Variants in SKAP1 observed in about 807,000 individuals in gnomAD.
The protein encoded by SKAP1 is src kinase-associated phosphoprotein 1.
SKAP1 carries 44 observed loss-of-function variants against 58.5 expected under a neutral mutation model. That is an observed-to-expected ratio of 0.75 (90% CI 0.59 to 0.97). SKAP1 has a LOEUF of 0.97. SKAP1 is among the 50% of genes least tolerant of loss of function. The pLI is 0.00. For synonymous variants in SKAP1, 127 were observed against 149.7 expected (o/e 0.85, Z 1.11); for missense variants, 390 against 435.2 (o/e 0.90, Z 0.92).
rs191211254 is a variant in SKAP1 at position 48,281,732 on chromosome 17, T to A, written c.280+64173A>T. Among the ~76,000 whole-genome samples, 62 of 152,302 alleles carry A rather than the reference T, an allele frequency of 4.1e-4. 1 individual carries two copies. Among genetic ancestry groups the A allele is most frequent in the Admixed American group, 3.8e-3 (58 of 15,292 alleles). ...AGTGTTGATCTAGTATAATTTATTA[T>A]CTTTGGAACAGTATAAGTTTATTAT... On this transcript the variant is annotated intron_variant, in intron 4 of 12. Coordinates refer to ENST00000336915, the MANE Select transcript of SKAP1 (RefSeq NM_003726.4).
upstream of SKAP1, chr17:48,430,349 C>A (rs2144635637): frequency 4.1e-6 from 1 of 245,876 alleles, no homozygotes; most frequent in Middle Eastern, 1.3e-3. Flanking sequence ...GTGGCGCTCA[C>A]GCCGGAGCCC....
chr17:48,298,518 T>C (rs2066011871), intron 4 of SKAP1, among the ~76,000 whole-genome samples: 1 of 152,226 alleles, frequency 6.6e-6, no homozygotes, highest in Admixed American at 6.5e-5. Context: ...AATTAAAAAC[T>C]CTTAACTGTT....
rs2063942864 is a variant in SKAP1 at position 48,154,295 on chromosome 17, A to G, written c.978+8174T>C. 4.6e-5 allele frequency among the ~76,000 whole-genome samples: 7 copies of G among 152,254 alleles called. No homozygotes were observed. The South Asian group carries it at 1.2e-3, about 27-fold the overall frequency. ...GGTGACAAAGTCCATTCTTCTCCACATAAGACCCATGACCATCTGACAGCA... is the reference window on the plus strand; with the variant it reads ...GGTGACAAAGTCCATTCTTCTCCACGTAAGACCCATGACCATCTGACAGCA... On this transcript the variant is annotated intron_variant, in intron 11 of 12. Transcript: ENST00000336915.
At chr17:48,191,439 T>C (rs535410949) in intron 4 of SKAP1, among the ~76,000 whole-genome samples, 4 of 152,316 alleles carry the variant, frequency 2.6e-5, no homozygotes, top group Admixed American at 6.5e-5. Context: ...TAACTACATA[T>C]GAATCAACTG....
At chr17:48,158,177 C>CA (rs55933327) in intron 11 of SKAP1, among the ~76,000 whole-genome samples, 17,426 of 105,858 alleles carry the variant, frequency 0.16, 1,647 homozygotes, top group East Asian at 0.43. Context: ...AACTCTGTCT[C>CA]AAAAAAAAAA....
At chr17:48,429,881 G>A (rs1739948538) in intron 1 of SKAP1, among the ~76,000 whole-genome samples, 194 bp downstream of exon 1, 1 of 152,176 alleles carries the variant, frequency 6.6e-6, no homozygotes. Flanking sequence ...GAAGATGTGG[G>A]ACTCCAGGGA....
intron 2 of SKAP1, among the ~76,000 whole-genome samples, chr17:48,383,976 T>G (rs1201482531): frequency 6.6e-6 from 1 of 152,136 alleles, no homozygotes; most frequent in Non-Finnish European, 1.5e-5. Flanking sequence ...TCTACCTGCC[T>G]CAGCCTCTCA....
intron 9 of SKAP1, among the ~76,000 whole-genome samples, chr17:48,172,806 T>A (rs2064234679): frequency 6.6e-6 from 1 of 152,136 alleles, no homozygotes; most frequent in Admixed American, 6.6e-5. Flanking sequence ...TCCAAGCTCA[T>A]AGGTAAGAAG....
intron 4 of SKAP1, among the ~76,000 whole-genome samples, chr17:48,333,937 G>A (rs188380485): frequency 4.5e-4 from 68 of 152,104 alleles, no homozygotes; most frequent in Non-Finnish European, 2.9e-5. Flanking sequence ...AATTAAGGCA[G>A]ATGTTTGCTT....
intron 10 of SKAP1, among the ~76,000 whole-genome samples, chr17:48,164,461 T>C (rs2064109633): frequency 6.6e-6 from 1 of 152,176 alleles, no homozygotes; most frequent in Admixed American, 6.5e-5. Flanking sequence ...GGATATGGGA[T>C]AGGTCCTAAT....
At chr17:48,166,464 G>T (rs2064141571) in intron 10 of SKAP1, among the ~76,000 whole-genome samples, 1 of 152,126 alleles carries the variant, frequency 6.6e-6, no homozygotes, top group African/African-American at 2.4e-5. Flanking sequence ...AAGGTAAAAA[G>T]GACCAGGACA....
chr17:48,310,317 TCACTGCTG>T (rs2066206560), intron 4 of SKAP1, among the ~76,000 whole-genome samples: 1 of 152,218 alleles, frequency 6.6e-6, no homozygotes, highest in Non-Finnish European at 1.5e-5. Flanking sequence ...TTGAGGCAAA[TCACTGCTG>T]TTAGACCCTG....
rs1567893783 is a variant in SKAP1 at position 48,386,326 on chromosome 17, G to GTTTA, written c.152+10353_152+10354insTAAA. 2.0e-3 allele frequency among the ~76,000 whole-genome samples: 270 copies of GTTTA among 133,514 alleles called. 1 individual carries two copies. The highest frequency in any genetic ancestry group is 4.3e-3 in the Middle Eastern group (1 of 230). The allele number at this position is 133,514 out of a possible 152,430, so 87.6% of individuals were successfully genotyped here. ...TAGACCTTTTTTTTTTTTTTTTTTG[G>GTTTA]TGACTATAAGACCATTCATGCCTTT... On this transcript the variant is annotated intron_variant, in intron 2 of 12. Transcript: ENST00000336915.
intron 4 of SKAP1, among the ~76,000 whole-genome samples, chr17:48,255,504 G>C (rs1456568753): frequency 6.6e-6 from 1 of 151,444 alleles, no homozygotes. Context: ...CAATATAATA[G>C]ATTTTTAAAA....
intron 9 of SKAP1, among the ~76,000 whole-genome samples, 168 bp from the exon 10 acceptor site, chr17:48,170,827 C>G (rs1383098062): frequency 6.6e-6 from 1 of 151,948 alleles, no homozygotes; most frequent in Non-Finnish European, 1.5e-5. Context: ...TCTCCTGCCT[C>G]AGCCCCCTGA....
chr17:48,318,610 A>G (rs2066319862), intron 4 of SKAP1, among the ~76,000 whole-genome samples: 1 of 152,230 alleles, frequency 6.6e-6, no homozygotes, highest in Non-Finnish European at 1.5e-5. Context: ...TCACATCTGT[A>G]ATTCCAGCAC....
chr17:48,148,274 G>A (rs1188498427), intron 11 of SKAP1, among the ~76,000 whole-genome samples: 1 of 152,142 alleles, frequency 6.6e-6, no homozygotes, highest in Non-Finnish European at 1.5e-5. Context: ...AAGAGCAAAG[G>A]TGAAATAGGG....
chr17:48,162,232 C>T (rs1172154132), intron 11 of SKAP1, among the ~76,000 whole-genome samples: 1 of 152,188 alleles, frequency 6.6e-6, no homozygotes, highest in Non-Finnish European at 1.5e-5. Flanking sequence ...TCCCAAAGTG[C>T]TAGGATTGCA....
At chr17:48,251,393 A>G (rs564734941) in intron 4 of SKAP1, among the ~76,000 whole-genome samples, 36 of 152,348 alleles carry the variant, frequency 2.4e-4, no homozygotes, top group African/African-American at 8.7e-4. Context: ...AATTAAAGTG[A>G]AAGTAGCACC....
Sources: allele counts gnomAD v4.1 joint callset (sites outside exome capture counted in the v4.1 genomes callset), GRCh38; gene constraint gnomAD v4.1.1; transcripts MANE v1.5; gene names NCBI Gene and HGNC (gene_info 2026-07-23, HGNC 2026-07-21).